USH2A: variants seen among roughly 807,000 people sequenced by gnomAD.
USH2A encodes the protein usherin.
USH2A carries 443 observed loss-of-function variants against 538.9 expected under a neutral mutation model. That is an observed-to-expected ratio of 0.82 (90% CI 0.76 to 0.89). The LOEUF (loss-of-function observed/expected upper bound fraction) is 0.89, where lower values mean the gene tolerates loss of function less well. Ranked by LOEUF, USH2A falls within the 40% of genes least tolerant of loss-of-function variation. The pLI, the probability that USH2A is intolerant of heterozygous loss-of-function variation, is 0.00. For missense variants in USH2A, 6,633 were observed against 6,324.8 expected (o/e 1.05, Z -1.65); for synonymous variants, 2,413 against 2,273.5 (o/e 1.06, Z -1.75).
In USH2A at chr1:215,632,066, G is replaced by A. The variant is rs538774171; in HGVS notation, c.15297+2393C>T. On this transcript the variant is annotated intron_variant, in intron 70 of 71. Transcript: ENST00000307340. Reference sequence around the variant, plus strand: ...CAGACTTCTTTTTTTGTTTTGTTTTGTTTTGTTTTGTTTTGTGACGGAGTC... The same window carrying A: ...CAGACTTCTTTTTTTGTTTTGTTTTATTTTGTTTTGTTTTGTGACGGAGTC... 2.0e-4 allele frequency among the ~76,000 whole-genome samples: 31 copies of A among 151,958 alleles called. No individual in the cohort carries two copies. In the South Asian group the frequency reaches 6.5e-3, roughly 32 times the overall value.
intron 21 of USH2A, among the ~76,000 whole-genome samples, chr1:216,123,344 A>G (rs944084427): frequency 6.6e-6 from 1 of 152,220 alleles, no homozygotes; most frequent in African/African-American, 2.4e-5. Flanking sequence ...CAGTTGAAGC[A>G]TTTGCTGATC....
Position 216,089,031 on chromosome 1 carries a change from G to C in USH2A, c.4867C>G (p.Leu1623Val). The change falls in exon 23 of 72, where the codon CTG becomes GTG. Residue 1623 changes from leucine to valine, a missense_variant. Physicochemically the swap from Leu to Val is conservative, Grantham distance 32 (BLOSUM62 1). Transcript: ENST00000307340. ...IRHQAFGQIT[L>V]DGIYTGSSAI... ...TACTTACCTGTATATATCCCATCCA[G>C]AGTGATTTGGCCAAAAGCCTGATGC... is the stretch of plus-strand genomic sequence containing the variant. 1 of 1,613,442 alleles carries C rather than the reference G, an allele frequency of 6.2e-7. No individual in the cohort carries two copies. The highest frequency in any genetic ancestry group is 1.1e-5 in the South Asian group (1 of 91,074).
chr1:216,088,367 A>G (rs778655320), intron 23 of USH2A, among the ~76,000 whole-genome samples: 2 of 152,116 alleles, frequency 1.3e-5, no homozygotes, highest in Non-Finnish European at 2.9e-5. Flanking sequence ...CATTCCTCCC[A>G]TAAAATGTAA....
At position 215,647,679 on chromosome 1, in the gene USH2A, A is replaced by G. The variant is rs755263373; in HGVS notation, c.14634T>C (p.Cys4878=). 3 of 1,614,206 alleles carry G rather than the reference A, an allele frequency of 1.9e-6. No individual in the cohort carries two copies. Among genetic ancestry groups the G allele is most frequent in the Non-Finnish European group, 2.5e-6 (3 of 1,180,032 alleles). The change falls in exon 67 of 72, where the codon TGT becomes TGC. Residue 4878 remains cysteine, a synonymous_variant. Coordinates refer to ENST00000307340, the MANE Select transcript of USH2A (RefSeq NM_206933.4). The part of the protein sequence containing the change: ...VACPPDSALP[C]TPSQIETKYT... ...ACTTTGTTTCTATTTGGCTGGGAGT[A>G]CAGGGGAGGGCTGAGTCAGGAGGGC... is the stretch of plus-strand genomic sequence containing the variant.
intron 21 of USH2A, among the ~76,000 whole-genome samples, chr1:216,159,503 A>G (rs192726535): frequency 3.2e-4 from 48 of 151,510 alleles, no homozygotes; most frequent in African/African-American, 1.2e-3. Flanking sequence ...CTGGAATAAA[A>G]CCTGCATGGT....
In USH2A at chr1:215,937,561, C is replaced by T. The variant is rs116499467; in HGVS notation, c.7121-2766G>A. ...GACCATCCTAACCATTGCCTAAGAA[C>T]AATTACATGGTCAGCATGGGGAGAT... On this transcript the variant is annotated intron_variant, in intron 37 of 71. Coordinates refer to ENST00000307340, the MANE Select transcript of USH2A (RefSeq NM_206933.4). Among the ~76,000 whole-genome samples the T allele has an allele frequency of 8.8e-3, 1,334 of 152,152 alleles. 14 individuals are homozygous for T. Among genetic ancestry groups the T allele is most frequent in the African/African-American group, 0.031 (1,284 of 41,528 alleles).
At chr1:216,309,279 T>A (rs1459606315) in intron 9 of USH2A, among the ~76,000 whole-genome samples, 3 of 152,216 alleles carry the variant, frequency 2.0e-5, no homozygotes, top group Non-Finnish European at 2.9e-5. Flanking sequence ...ATCATTTGAC[T>A]TTTTGAAATA....
chr1:215,850,440 C>A lies in USH2A; in HGVS notation c.8846-4407G>T, dbSNP rs534143658. 4.6e-5 allele frequency among the ~76,000 whole-genome samples: 7 copies of A among 152,226 alleles called. No individual in the cohort carries two copies. In the South Asian group the frequency reaches 1.4e-3, roughly 32 times the overall value. On this transcript the variant is annotated intron_variant, in intron 44 of 71. Transcript: ENST00000307340. ...ATTTTCTGGGCCCCATGCATCTGGACTGAGATGTGAAGGAGCAATTGGCCG... is the reference window on the plus strand; with the variant it reads ...ATTTTCTGGGCCCCATGCATCTGGAATGAGATGTGAAGGAGCAATTGGCCG...
intron 32 of USH2A, among the ~76,000 whole-genome samples, chr1:216,015,221 G>A (rs1429934930): frequency 1.3e-5 from 2 of 152,112 alleles, no homozygotes; most frequent in Admixed American, 1.3e-4. Context: ...GCTAGGTTAT[G>A]GTTCAGTGAG....
chr1:216,193,796 C>A (rs543598920), intron 19 of USH2A, among the ~76,000 whole-genome samples: 5 of 152,164 alleles, frequency 3.3e-5, no homozygotes, highest in Non-Finnish European at 7.4e-5. Flanking sequence ...TGTGGGGGAC[C>A]TGGCTGTACT....
At chr1:215,630,408 A>G (rs1571916000) in intron 70 of USH2A, 2 of 383,748 alleles carry the variant, frequency 5.2e-6, no homozygotes, top group African/African-American at 4.3e-5. Flanking sequence ...ATATGTATAT[A>G]TGTGTGTGTA....
At chr1:215,772,688 GATAA>G (rs1324071814) in intron 55 of USH2A, among the ~76,000 whole-genome samples, 1 of 152,124 alleles carries the variant, frequency 6.6e-6, no homozygotes, top group Non-Finnish European at 1.5e-5. Flanking sequence ...TTAATCTCTT[GATAA>G]ATAGTCAAAA....
At chr1:216,400,964 T>A (rs772625877) in intron 3 of USH2A, among the ~76,000 whole-genome samples, 3 of 152,046 alleles carry the variant, frequency 2.0e-5, no homozygotes, top group African/African-American at 7.2e-5. Context: ...AGAAACAAAA[T>A]GATAATAAAA....
At chr1:215,642,103 G>C (rs375189395) in intron 67 of USH2A, among the ~76,000 whole-genome samples, 1 of 152,162 alleles carries the variant, frequency 6.6e-6, no homozygotes, top group Non-Finnish European at 1.5e-5. Context: ...AGTCTTATTT[G>C]TCCTGTAGGG....
chr1:216,137,987 C>T (rs569894556), intron 21 of USH2A, among the ~76,000 whole-genome samples: 426 of 152,138 alleles, frequency 2.8e-3, no homozygotes, highest in African/African-American at 9.8e-3. Context: ...AAACTTTCAT[C>T]TAAAGGAGGA....
intron 3 of USH2A, among the ~76,000 whole-genome samples, chr1:216,368,626 G>T (rs562060991): frequency 6.6e-6 from 1 of 152,314 alleles, no homozygotes; most frequent in South Asian, 2.1e-4. Context: ...CTCTCAAGGA[G>T]CTTGTATGTA....
intron 3 of USH2A, among the ~76,000 whole-genome samples, chr1:216,386,879 G>A (rs1158689089): frequency 1.3e-5 from 2 of 151,994 alleles, no homozygotes; most frequent in African/African-American, 4.8e-5. Context: ...AATAATAATA[G>A]TAATTTCTGA....
chr1:216,059,256 A>G (rs1312275711), intron 30 of USH2A, among the ~76,000 whole-genome samples: 1 of 152,194 alleles, frequency 6.6e-6, no homozygotes, highest in Non-Finnish European at 1.5e-5. Flanking sequence ...TTTAAGTTCC[A>G]AAATCAGGCA....
At chr1:216,106,532 A>AT (rs2032738177) in intron 21 of USH2A, among the ~76,000 whole-genome samples, 1 of 151,136 alleles carries the variant, frequency 6.6e-6, no homozygotes, top group South Asian at 2.1e-4. Context: ...AATCCAAAAT[A>AT]TTTTTTTCTC....
Sources: allele counts gnomAD v4.1 joint callset (sites outside exome capture counted in the v4.1 genomes callset), GRCh38; gene constraint gnomAD v4.1.1; transcripts MANE v1.5; gene names NCBI Gene and HGNC (gene_info 2026-07-23, HGNC 2026-07-21).